The following SH3PXD2A variants were observed in gnomAD, a reference collection of about 807,000 sequenced individuals.
SH3PXD2A encodes SH3 and PX domain-containing protein 2A.
A neutral mutation model predicts 115.2 loss-of-function variants in SH3PXD2A; 32 were observed. The ratio of observed to expected loss-of-function variants is 0.28; its 90% CI spans 0.21 to 0.37. The LOEUF (loss-of-function observed/expected upper bound fraction) is 0.37. Ranked by LOEUF, SH3PXD2A falls within the 10% of genes least tolerant of loss-of-function variation. SH3PXD2A has a pLI of 1.00. For synonymous variants in SH3PXD2A, 610 were observed against 629.1 expected (o/e 0.97, Z 0.45); for missense variants, 1,328 against 1,498.7 (o/e 0.89, Z 1.88).
At chr10:103,661,398 G>A (rs951140286) in intron 7 of SH3PXD2A, among the ~76,000 whole-genome samples, 9 of 152,252 alleles carry the variant, frequency 5.9e-5, no homozygotes, top group Non-Finnish European at 1.3e-4. Flanking sequence ...CAGAGCGGAG[G>A]CGGAGGCCAA....
intron 2 of SH3PXD2A, among the ~76,000 whole-genome samples, chr10:103,785,447 G>T (rs897533396): frequency 6.6e-6 from 1 of 152,142 alleles, no homozygotes; most frequent in African/African-American, 2.4e-5. Context: ...CACTCTCCGG[G>T]GGTAGCCTGA....
chr10:103,753,948 A>G (rs1260407313), intron 3 of SH3PXD2A: 1 of 152,160 alleles, frequency 6.6e-6, no homozygotes, highest in South Asian at 2.1e-4. Flanking sequence ...AAGACCACAT[A>G]GGTCTCACTT....
intron 5 of SH3PXD2A, among the ~76,000 whole-genome samples, chr10:103,707,555 C>T (rs2037996573): frequency 6.6e-6 from 1 of 151,948 alleles, no homozygotes; most frequent in African/African-American, 2.4e-5. Flanking sequence ...GCTATGTTGC[C>T]TAGGCTCATC....
intron 1 of SH3PXD2A, among the ~76,000 whole-genome samples, chr10:103,810,022 G>A (rs2039251057): frequency 6.6e-6 from 1 of 152,134 alleles, no homozygotes; most frequent in African/African-American, 2.4e-5. Context: ...GTAATGAGTA[G>A]GTGAGAGGGT....
chr10:103,653,373 A>G (rs907425256), intron 8 of SH3PXD2A, among the ~76,000 whole-genome samples: 174 of 152,280 alleles, frequency 1.1e-3, no homozygotes, highest in African/African-American at 3.9e-3. Flanking sequence ...TTGTCCCCCA[A>G]AGGGAAGGCG....
intron 4 of SH3PXD2A, among the ~76,000 whole-genome samples, chr10:103,728,885 G>GTTTTTTTT (rs1170237835): frequency 2.0e-5 from 2 of 99,142 alleles, no homozygotes. Flanking sequence ...TGTTTTTTTT[G>GTTTTTTTT]TTTGTTTGTT....
Position 103,735,770 on chromosome 10 carries a change from C to G in SH3PXD2A, c.268G>C (p.Ala90Pro). The G allele has an allele frequency of 6.2e-7, 1 of 1,614,078 alleles. No individual in the cohort carries two copies. The highest frequency in any genetic ancestry group is 8.5e-7 in the Non-Finnish European group (1 of 1,180,002). ...LFRRSHIRDV[A>P]VKRLKPIDEY... is the part of the protein sequence containing the mutation. ...TCGATGGGCTTCAGTCTCTTCACAGCTACGTCCCGGATGTGGCTTCTGCGG... is the reference window on the plus strand; with the variant it reads ...TCGATGGGCTTCAGTCTCTTCACAGGTACGTCCCGGATGTGGCTTCTGCGG... The change falls in exon 4 of 15, where the codon GCT (alanine) becomes CCT (proline). Residue 90 changes from alanine (A) to proline (P), a missense_variant. By Grantham distance (27) the Ala-to-Pro change is conservative. Transcript: ENST00000369774.
At chr10:103,766,486 C>T (rs779041720) in intron 3 of SH3PXD2A, among the ~76,000 whole-genome samples, 1 of 152,180 alleles carries the variant, frequency 6.6e-6, no homozygotes, top group Non-Finnish European at 1.5e-5. Context: ...TTATAGTACA[C>T]ACCTCGGTAT....
At chr10:103,766,054 C>T (rs1449440187) in intron 3 of SH3PXD2A, among the ~76,000 whole-genome samples, 1 of 152,214 alleles carries the variant, frequency 6.6e-6, no homozygotes, top group Non-Finnish European at 1.5e-5. Flanking sequence ...GGACTCACAT[C>T]TTTCGCTGCT....
At chr10:103,781,420 T>A (rs912289883) in intron 2 of SH3PXD2A, among the ~76,000 whole-genome samples, 1 of 151,830 alleles carries the variant, frequency 6.6e-6, no homozygotes, top group African/African-American at 2.4e-5. Flanking sequence ...GCTGGGGGAG[T>A]CTGAGTTCCT....
rs1324618057 is a variant in SH3PXD2A at position 103,743,013 on chromosome 10, AAGG to A, written c.230-7208_230-7206del. ...AGACACAGGCAATGCATGTGGGAGG[AAGG>A]AGGAGAAGTTAAGTTTCCTACTCCC... On this transcript the variant is annotated intron_variant, in intron 3 of 14. Coordinates refer to ENST00000369774, the MANE Select transcript of SH3PXD2A (RefSeq NM_001394015.1). Among the ~76,000 whole-genome samples, 4 of 152,046 alleles carry A rather than the reference AAGG, an allele frequency of 2.6e-5. No homozygotes were observed. In the East Asian group the frequency reaches 7.7e-4, roughly 29 times the overall value.
At chr10:103,641,461 G>A (rs949035532) in intron 8 of SH3PXD2A, among the ~76,000 whole-genome samples, 1 of 152,136 alleles carries the variant, frequency 6.6e-6, no homozygotes, top group African/African-American at 2.4e-5. Context: ...TGTGGCTAAG[G>A]GGAGGTGCCA....
At chr10:103,657,049 C>T (rs1186013157) in intron 8 of SH3PXD2A, among the ~76,000 whole-genome samples, 2 of 151,728 alleles carry the variant, frequency 1.3e-5, no homozygotes, top group Middle Eastern at 3.2e-3. Flanking sequence ...AGCATTGACC[C>T]TAGAGGGGAG....
At chr10:103,635,666 C>T (rs1305632309) in intron 8 of SH3PXD2A, among the ~76,000 whole-genome samples, 1 of 152,202 alleles carries the variant, frequency 6.6e-6, no homozygotes, top group Non-Finnish European at 1.5e-5. Flanking sequence ...AGGGCTAAAC[C>T]CCTAGACCGG....
At chr10:103,673,940 A>T (rs528362428) in intron 6 of SH3PXD2A, among the ~76,000 whole-genome samples, 1 of 152,290 alleles carries the variant, frequency 6.6e-6, no homozygotes, top group African/African-American at 2.4e-5. Flanking sequence ...GGCCCGATGG[A>T]ATGAACACCT....
chr10:103,794,376 A>C (rs557172177), intron 2 of SH3PXD2A, among the ~76,000 whole-genome samples: 2 of 152,196 alleles, frequency 1.3e-5, no homozygotes, highest in Non-Finnish European at 2.9e-5. Flanking sequence ...CGCTGGCCAG[A>C]GTTCAGACTA....
intron 11 of SH3PXD2A, among the ~76,000 whole-genome samples, chr10:103,614,760 C>A (rs569832685): frequency 2.6e-5 from 4 of 152,098 alleles, no homozygotes; most frequent in African/African-American, 4.8e-5. Context: ...CACCTCCCCC[C>A]CCGCCCCGCC....
At chr10:103,751,053 G>C (rs879817215) in intron 3 of SH3PXD2A, among the ~76,000 whole-genome samples, 10 of 152,214 alleles carry the variant, frequency 6.6e-5, no homozygotes, top group Admixed American at 5.2e-4. Context: ...CAGACCAATA[G>C]AATGCAGAGT....
At chr10:103,741,970 C>T (rs923693376) in intron 3 of SH3PXD2A, among the ~76,000 whole-genome samples, 1 of 152,066 alleles carries the variant, frequency 6.6e-6, no homozygotes, top group East Asian at 1.9e-4. Flanking sequence ...CATAGTGAGA[C>T]CCTGTCTCTA....
Sources: allele counts gnomAD v4.1 joint callset (sites outside exome capture counted in the v4.1 genomes callset), GRCh38; gene constraint gnomAD v4.1.1; transcripts MANE v1.5; gene names NCBI Gene and HGNC (gene_info 2026-07-23, HGNC 2026-07-21).